Variants in CSMD1 observed in about 807,000 individuals in gnomAD.
CSMD1 encodes CUB and sushi domain-containing protein 1.
In CSMD1, 213 loss-of-function variants were observed where a neutral mutation model predicts 417.5. The ratio of observed to expected loss-of-function variants is 0.51; its 90% CI spans 0.46 to 0.57. CSMD1 has a LOEUF of 0.57. Among genes scored for constraint, CSMD1 ranks in the 20% least tolerant of loss-of-function variants. The pLI is 0.00. For missense variants in CSMD1, 6,923 were observed against 4,529.7 expected (o/e 1.53, Z -15.17); for synonymous variants, 2,862 against 1,736.8 (o/e 1.65, Z -16.11).
At chr8:3,853,881 T>C (rs1372482529) in intron 5 of CSMD1, among the ~76,000 whole-genome samples, 2 of 146,726 alleles carry the variant, frequency 1.4e-5, no homozygotes, top group Non-Finnish European at 3.0e-5. Flanking sequence ...CTTTAATATA[T>C]TAATATATTA....
At chr8:3,458,223 A>C (rs962049849) in intron 12 of CSMD1, among the ~76,000 whole-genome samples, 2 of 152,208 alleles carry the variant, frequency 1.3e-5, no homozygotes, top group African/African-American at 4.8e-5. Context: ...CGGGCCACTA[A>C]CACTGGAATT....
At chr8:4,416,071 A>G (rs1285040320) in intron 3 of CSMD1, among the ~76,000 whole-genome samples, 1 of 152,206 alleles carries the variant, frequency 6.6e-6, no homozygotes, top group East Asian at 1.9e-4. Flanking sequence ...AAAAGACATG[A>G]ATAAAGTCTT....
chr8:4,129,074 C>CAAAAAAAAAAAAAA (rs10538387), intron 3 of CSMD1, among the ~76,000 whole-genome samples: 1 of 80,744 alleles, frequency 1.2e-5, no homozygotes, highest in Non-Finnish European at 2.4e-5. Flanking sequence ...GAGTCCAACT[C>CAAAAAAAAAAAAAA]AAAAAAAAAA....
intron 2 of CSMD1, among the ~76,000 whole-genome samples, chr8:4,628,090 T>C (rs1802229338): frequency 6.7e-6 from 1 of 149,404 alleles, no homozygotes; most frequent in Non-Finnish European, 1.5e-5. Flanking sequence ...CATACACATA[T>C]ATTATATACC....
chr8:4,228,681 AT>A (rs1801515920), intron 3 of CSMD1, among the ~76,000 whole-genome samples: 1 of 134,234 alleles, frequency 7.4e-6, no homozygotes, highest in African/African-American at 2.8e-5. Context: ...TATTTTATTC[AT>A]TTATTATTTC....
At chr8:4,477,478 A>T (rs926642530) in intron 2 of CSMD1, among the ~76,000 whole-genome samples, 1 of 152,212 alleles carries the variant, frequency 6.6e-6, no homozygotes, top group Non-Finnish European at 1.5e-5. Flanking sequence ...TTTATATTTA[A>T]TCACTATAAT....
At chr8:3,809,125 T>A (rs758147307) in intron 5 of CSMD1, among the ~76,000 whole-genome samples, 1 of 152,104 alleles carries the variant, frequency 6.6e-6, no homozygotes, top group South Asian at 2.1e-4. Flanking sequence ...CTGCCCTCTA[T>A]TGGGAATATC....
chr8:3,598,528 G>C (rs1233013463), intron 8 of CSMD1, among the ~76,000 whole-genome samples: 1 of 152,154 alleles, frequency 6.6e-6, no homozygotes, highest in East Asian at 1.9e-4. Flanking sequence ...CCCTGGCTGT[G>C]ACGTCTCCCC....
intron 2 of CSMD1, among the ~76,000 whole-genome samples, chr8:4,570,149 G>T (rs548587860): frequency 4.6e-5 from 7 of 152,134 alleles, no homozygotes; most frequent in African/African-American, 1.7e-4. Flanking sequence ...TTGCCTGATT[G>T]CCCTGGCCAG....
At chr8:3,486,639 A>C (rs1818050924) in intron 11 of CSMD1, among the ~76,000 whole-genome samples, 1 of 152,198 alleles carries the variant, frequency 6.6e-6, no homozygotes, top group Admixed American at 6.5e-5. Context: ...GATTAGCTGA[A>C]ATGGAGCACC....
chr8:3,316,496 T>A (rs373765831), intron 23 of CSMD1, among the ~76,000 whole-genome samples: 6 of 150,770 alleles, frequency 4.0e-5, no homozygotes, highest in African/African-American at 1.2e-4. Context: ...CAAAGGAAAC[T>A]AGTATATTGG....
chr8:3,833,187 C>G (rs1045650360), intron 5 of CSMD1, among the ~76,000 whole-genome samples: 2 of 152,074 alleles, frequency 1.3e-5, no homozygotes, highest in Non-Finnish European at 2.9e-5. Flanking sequence ...TTTAATTTGT[C>G]CAAAGAATTT....
intron 3 of CSMD1, among the ~76,000 whole-genome samples, chr8:4,311,262 A>G (rs924711610): frequency 1.2e-4 from 18 of 152,214 alleles, no homozygotes; most frequent in African/African-American, 3.9e-4. Context: ...ATGTCCATCA[A>G]TGACAGATTA....
At chr8:4,613,404 G>A (rs1170007731) in intron 2 of CSMD1, among the ~76,000 whole-genome samples, 3 of 152,098 alleles carry the variant, frequency 2.0e-5, no homozygotes, top group Admixed American at 2.0e-4. Flanking sequence ...TAGAGCTTAG[G>A]CAAGCTCATG....
At chr8:3,564,507 C>A (rs1478246780) in intron 10 of CSMD1, among the ~76,000 whole-genome samples, 1 of 79,698 alleles carries the variant, frequency 1.3e-5, no homozygotes, top group Non-Finnish European at 2.7e-5. Flanking sequence ...ATGCTGGCTC[C>A]ACAGTATATT....
At chr8:4,927,893 G>C (rs1806978160) in intron 1 of CSMD1, among the ~76,000 whole-genome samples, 1 of 152,230 alleles carries the variant, frequency 6.6e-6, no homozygotes, top group East Asian at 1.9e-4. Context: ...ATCCCACCTT[G>C]TCATGTCCAG....
At chr8:4,453,799 T>C (rs1239346261) in intron 2 of CSMD1, among the ~76,000 whole-genome samples, 5 of 146,274 alleles carry the variant, frequency 3.4e-5, no homozygotes, top group Admixed American at 6.9e-5. Flanking sequence ...CCGAACAAGA[T>C]TGCGCAATTC....
At chr8:4,100,295 G>C (rs146314957) in intron 3 of CSMD1, among the ~76,000 whole-genome samples, 4 of 152,178 alleles carry the variant, frequency 2.6e-5, no homozygotes, top group Non-Finnish European at 5.9e-5. Flanking sequence ...TATCTTATTA[G>C]TATCTTTTAC....
intron 3 of CSMD1, among the ~76,000 whole-genome samples, chr8:4,384,689 T>A (rs907857919): frequency 3.3e-5 from 5 of 152,082 alleles, no homozygotes; most frequent in Admixed American, 1.3e-4. Context: ...CAGACACGAG[T>A]GGGCCTTTCC....
Sources: gnomAD v4.1 joint callset for allele counts (sites outside exome capture counted in the v4.1 genomes callset) on GRCh38, gnomAD v4.1.1 for gene constraint, MANE v1.5 for transcripts, NCBI Gene and HGNC (gene_info 2026-07-23, HGNC 2026-07-21) for gene names.